CERS4: variants seen among roughly 807,000 people sequenced by gnomAD.
CERS4 encodes LAG1 homolog, ceramide synthase 4.
Under a neutral mutation model 51.8 loss-of-function variants are expected in CERS4, and 65 were observed. That is an observed-to-expected ratio of 1.26 (90% CI 1.03 to 1.54). CERS4 has a LOEUF of 1.54. Among genes scored for constraint, CERS4 ranks in the 40% most tolerant of loss-of-function variants. CERS4 has a pLI of 0.00. For missense variants in CERS4, 563 were observed against 500.4 expected, an observed-to-expected ratio of 1.13 and a Z score of -1.19; for synonymous variants, 228 against 208.4, an observed-to-expected ratio of 1.09 and a Z score of -0.81.
chr19:8,254,764 T>A (rs1337056927), intron 4 of CERS4, 148 bp downstream of exon 4: 1 of 671,166 alleles, frequency 1.5e-6, no homozygotes, highest in Non-Finnish European at 2.6e-6. Flanking sequence ...TCATCCTCAA[T>A]TCCCTGGGAA....
At chr19:8,223,915 A>T (rs1255975905) in intron 2 of CERS4, among the ~76,000 whole-genome samples, 1 of 151,710 alleles carries the variant, frequency 6.6e-6, no homozygotes, top group Admixed American at 6.6e-5. Context: ...CCTGACCAAC[A>T]TGGTAAAACC....
rs1422308433 is a variant in CERS4 at position 8,262,049 on chromosome 19, T to C, written c.1125T>C (p.Thr375=). Residue 375 remains threonine (T), a synonymous_variant, in exon 12 of 12, where the codon ACT becomes ACC. Coordinates refer to ENST00000251363, the MANE Select transcript of CERS4 (RefSeq NM_024552.3). ...GAAGGPRPAP[T]DGPRSRVAGR... ...CTGGAGGGCCCAGGCCAGCCCCCAC[T>C]GATGGCCCTCGGAGCCGGGTGGCCG... The C allele has an allele frequency of 3.9e-6, 6 of 1,546,184 alleles. No homozygotes were observed. Among genetic ancestry groups the C allele is most frequent in the Non-Finnish European group, 5.2e-6 (6 of 1,149,996 alleles).
At chr19:8,221,147 T>A (rs1599517335) in intron 2 of CERS4, among the ~76,000 whole-genome samples, 1 of 146,690 alleles carries the variant, frequency 6.8e-6, no homozygotes, top group South Asian at 2.2e-4. Context: ...TTTTTTTTTT[T>A]AAACAGAGAC....
chr19:8,257,761 G>T, intron 9 of CERS4, 118 bp from the exon 10 acceptor site: 4 of 735,564 alleles, frequency 5.4e-6, no homozygotes, highest in Non-Finnish European at 9.6e-6. Flanking sequence ...TCCTGAAAAG[G>T]TAGGTAGTTC....
chr19:8,258,077 C>A, intron 10 of CERS4, 92 bp downstream of exon 10: 1 of 1,026,018 alleles, frequency 9.7e-7, no homozygotes, highest in Non-Finnish European at 1.5e-6. Context: ...CCCCAAGGAG[C>A]TGGGGATCTT....
chr19:8,245,130 A>C (rs1198863367), intron 2 of CERS4, among the ~76,000 whole-genome samples: 3 of 150,048 alleles, frequency 2.0e-5, no homozygotes, highest in South Asian at 2.1e-4. Context: ...AAAAAAAAAA[A>C]AAAAACACTC....
intron 2 of CERS4, among the ~76,000 whole-genome samples, chr19:8,245,525 G>GTATTTT (rs1357454465): frequency 6.6e-6 from 1 of 151,420 alleles, no homozygotes. Context: ...TGGGGTTATG[G>GTATTTT]TATTTTTATT....
At chr19:8,231,753 C>T (rs1050374278) in intron 2 of CERS4, among the ~76,000 whole-genome samples, 5 of 151,224 alleles carry the variant, frequency 3.3e-5, no homozygotes, top group African/African-American at 7.3e-5. Context: ...AGGGTTTCAT[C>T]GTGTTAGCCA....
rs1969069756 is a variant in CERS4, at chr19:8,251,362, C to T, written c.173+113C>T. ...GTCCCGAGTAGAAGCTGGCTTTGCA[C>T]CAAAGCGCGTTCCCTGGCTCCAGCC... On this transcript the variant is annotated intron_variant, in intron 3 of 11. Transcript: ENST00000251363. The T allele has an allele frequency of 3.5e-6, 5 of 1,440,778 alleles. No homozygotes were observed. In the East Asian group the frequency reaches 1.3e-4, roughly 37 times the overall value. The allele number at this position is 1,440,778 out of a possible 1,614,324, so 89.2% of individuals were successfully genotyped here.
chr19:8,215,583 C>T (rs937910134), intron 2 of CERS4, among the ~76,000 whole-genome samples: 1 of 152,112 alleles, frequency 6.6e-6, no homozygotes, highest in Non-Finnish European at 1.5e-5. Flanking sequence ...AACTCGGTCC[C>T]CTCTCCCTGT....
At chr19:8,246,099 C>CA (rs925250373) in intron 2 of CERS4, among the ~76,000 whole-genome samples, 8 of 149,790 alleles carry the variant, frequency 5.3e-5, no homozygotes, top group African/African-American at 1.0e-4. Context: ...ACAACAACAA[C>CA]AAAAAAACAA....
chr19:8,260,521 A>G (rs1225501149), intron 10 of CERS4, among the ~76,000 whole-genome samples: 1 of 110,082 alleles, frequency 9.1e-6, no homozygotes, highest in Admixed American at 9.7e-5. Context: ...AGTACTTTCA[A>G]GGAGTTCCAA....
intron 10 of CERS4, among the ~76,000 whole-genome samples, chr19:8,258,232 C>T (rs555685669): frequency 2.6e-5 from 4 of 152,252 alleles, no homozygotes; most frequent in East Asian, 1.9e-4. Flanking sequence ...GGGCTGCCAG[C>T]GCACCAAAGT....
chr19:8,246,557 A>G (rs1968797077), intron 2 of CERS4, among the ~76,000 whole-genome samples: 1 of 152,102 alleles, frequency 6.6e-6, no homozygotes, highest in Admixed American at 6.6e-5. Context: ...TGTCTAAAAA[A>G]ACAAAAAGTC....
chr19:8,241,890 G>C (rs80131456), intron 2 of CERS4, among the ~76,000 whole-genome samples: 1,961 of 152,222 alleles, frequency 0.013, 50 homozygotes, highest in African/African-American at 0.045. Flanking sequence ...CAGGAAGACA[G>C]AGGATGACAG....
At chr19:8,221,864 T>C (rs1024869956) in intron 2 of CERS4, among the ~76,000 whole-genome samples, 2 of 123,266 alleles carry the variant, frequency 1.6e-5, no homozygotes, top group African/African-American at 6.7e-5. Flanking sequence ...ACTTATTTAT[T>C]TTTTTATGTT....
chr19:8,237,589 G>A (rs1968321696), intron 2 of CERS4, among the ~76,000 whole-genome samples: 1 of 152,046 alleles, frequency 6.6e-6, no homozygotes, highest in East Asian at 1.9e-4. Context: ...GGTGGCTTAT[G>A]CCTGTAATCC....
At chr19:8,230,785 A>T (rs570460286) in intron 2 of CERS4, among the ~76,000 whole-genome samples, 1 of 152,150 alleles carries the variant, frequency 6.6e-6, no homozygotes, top group East Asian at 1.9e-4. Flanking sequence ...TGAATTTTTA[A>T]ATTTCAGATT....
Position 8,261,968 on chromosome 19 carries a change from C to T in CERS4, c.1044C>T (p.Asp348=). 6.2e-7 allele frequency: 1 copy of T among 1,604,652 alleles called. No individual in the cohort carries two copies. The highest frequency in any genetic ancestry group is 8.5e-7 in the Non-Finnish European group (1 of 1,175,800). Residue 348 remains aspartate, a synonymous_variant, in exon 12 of 12, where the codon GAC becomes GAT. Transcript: ENST00000251363. ...KDIRSDVEES[D]SSEEAAAAQE... ...TTCGTAGTGATGTAGAAGAATCAGA[C>T]TCCAGTGAGGAGGCGGCGGCGGCCC...
Sources: allele counts gnomAD v4.1 joint callset (sites outside exome capture counted in the v4.1 genomes callset), GRCh38; gene constraint gnomAD v4.1.1; transcripts MANE v1.5; gene names NCBI Gene and HGNC (gene_info 2026-07-23, HGNC 2026-07-21).